The following MYH6 variants were observed in gnomAD, a reference collection of about 807,000 sequenced individuals.
The protein encoded by MYH6 is myosin heavy chain 6, also known as myosin-6.
MYH6 carries 126 observed loss-of-function variants against 223.2 expected under a neutral mutation model. That is an observed-to-expected ratio of 0.56 (90% confidence interval 0.49 to 0.65). MYH6 has a LOEUF of 0.65. Among genes scored for constraint, MYH6 ranks in the 30% least tolerant of loss-of-function variants. The probability of loss-of-function intolerance (pLI) is 0.00; values close to 1 mark genes in which losing one functional copy is unlikely to be tolerated. For missense variants in MYH6, 2,040 were observed against 2,536.4 expected (o/e 0.80, Z 4.20); for synonymous variants, 978 against 1,010.2 (o/e 0.97, Z 0.61).
Position 23,388,965 on chromosome 14 carries a change from C to A in MYH6, c.4069G>T (p.Ala1357Ser). Reference sequence around the variant, plus strand: ...TTGGACAGGACGCGCTGCAGCTCGGCCTTGGCCTCTGTCTCCTCCTCGTAC... The same window carrying A: ...TTGGACAGGACGCGCTGCAGCTCGGACTTGGCCTCTGTCTCCTCCTCGTAC... ...EQYEEETEAK[A>S]ELQRVLSKAN... is the part of the protein sequence containing the mutation. The change falls in exon 29 of 39, where the codon GCC becomes TCC. Residue 1357 changes from alanine (A) to serine (S), a missense_variant. Ala to Ser is a moderately conservative substitution (Grantham distance 99). Transcript: ENST00000405093. The A allele has an allele frequency of 5.6e-6, 9 of 1,613,784 alleles. No individual in the cohort carries two copies. The highest frequency in any genetic ancestry group is 7.6e-6 in the Non-Finnish European group (9 of 1,180,026).
intron 12 of MYH6, among the ~76,000 whole-genome samples, chr14:23,401,655 C>A (rs927164356): frequency 1.9e-4 from 29 of 152,226 alleles, no homozygotes; most frequent in Admixed American, 1.9e-3. Flanking sequence ...ATGTCCTCTG[C>A]TCCCTGTCTC....
At position 23,385,013 on chromosome 14, in the gene MYH6, T is replaced by A. The variant is rs757373258; in HGVS notation, c.5192A>T (p.Lys1731Met). 1 of 1,614,150 alleles carries A rather than the reference T, an allele frequency of 6.2e-7. No homozygotes were observed. The highest frequency in any genetic ancestry group is 1.3e-5 in the African/African-American group (1 of 75,062). The change falls in exon 35 of 39, where the codon AAG becomes ATG. Residue 1731 changes from lysine (K) to methionine (M), a missense_variant. This residue lies in a region of MYH6 where 1,203 missense variants were observed against 1,400.2 expected (regional missense o/e 0.86). Coordinates refer to ENST00000405093, the MANE Select transcript of MYH6 (RefSeq NM_002471.4). ...QNTSLINQKK[K>M]MESDLTQLQS... ...GAGCTGGGTCAGATCCGACTCCATC[T>A]TCTTCTTCTGGTTGATGAGGCTGGT...
chr14:23,401,868 G>A (rs1393946653), intron 12 of MYH6, among the ~76,000 whole-genome samples: 1 of 152,238 alleles, frequency 6.6e-6, no homozygotes, highest in East Asian at 1.9e-4. Context: ...TGTAATAACT[G>A]TTGGTGTGTT....
At position 23,396,952 on chromosome 14, in the gene MYH6, C is replaced by T. The variant is rs1379407951; in HGVS notation, c.2168+11G>A. The T allele has an allele frequency of 1.2e-6, 2 of 1,612,448 alleles. No individual in the cohort carries two copies. Among genetic ancestry groups the T allele is most frequent in the Admixed American group, 1.7e-5 (1 of 60,032 alleles). ...CCTGTTCTATGAGCTCTGGGGCACC[C>T]TCATACCCACCTCTGCCGGAAGTCC... is the stretch of plus-strand genomic sequence containing the variant. On this transcript the variant is annotated intron_variant, in intron 18 of 38. Transcript: ENST00000405093.
At chr14:23,400,624 G>C in intron 13 of MYH6, 85 bp downstream of exon 13, 1 of 1,607,886 alleles carries the variant, frequency 6.2e-7, no homozygotes. Context: ...CCCATGTCTG[G>C]TCCACAGCTG....
rs200234758 is a variant in MYH6, at chr14:23,388,841, G to T, written c.4175+18C>A. On this transcript the variant is annotated intron_variant, in intron 29 of 38. Transcript: ENST00000405093. The stretch of plus-strand genomic sequence containing the variant: ...CTTCCTCTCTGAGAGTCAGGTTAAG[G>T]GGGTATCTGGAGCTCACTTGGCCTC... The T allele has an allele frequency of 9.6e-5, 155 of 1,613,864 alleles. 1 individual carries two copies. In the African/African-American group the frequency reaches 1.8e-3, roughly 18 times the overall value.
rs201172704 is a variant in MYH6 at position 23,390,013 on chromosome 14, C to T, written c.3732+44G>A. 608 of 1,613,370 alleles carry T rather than the reference C, an allele frequency of 3.8e-4. 1 individual carries two copies. The highest frequency in any genetic ancestry group is 7.1e-4 in the Middle Eastern group (4 of 5,652). On this transcript the variant is annotated intron_variant, in intron 26 of 38. Coordinates refer to ENST00000405093, the MANE Select transcript of MYH6 (RefSeq NM_002471.4). ...GAGAGAGAAGGCATGGGGGAGGCTC[C>T]GCTGTGCAGGGGAGAGGGCGAGGGG...
intron 6 of MYH6, 70 bp from the exon 7 acceptor site, chr14:23,404,892 G>A (rs1256427956): frequency 1.4e-5 from 22 of 1,530,196 alleles, no homozygotes; most frequent in East Asian, 2.3e-5. Context: ...AGCATCACAT[G>A]CTCCCCTTCC....
intron 26 of MYH6, 81 bp from the exon 27 acceptor site, chr14:23,389,800 A>G (rs1891175573): frequency 6.2e-7 from 1 of 1,608,736 alleles, no homozygotes; most frequent in Admixed American, 1.7e-5. Context: ...AGAGATGGGG[A>G]ATGCCAGAGG....
rs548942498 is a variant in MYH6 at position 23,389,925 on chromosome 14, G to C, written c.3732+132C>G. On this transcript the variant is annotated intron_variant, in intron 26 of 38. Transcript: ENST00000405093. ...TGAGGAGAGCCAGAGAGGGGCAGGG[G>C]AGACAGGAAGAGAGACCAAAGGGTG... 5.7e-6 allele frequency: 9 copies of C among 1,567,158 alleles called. No homozygotes were observed. In the Admixed American group the frequency reaches 1.6e-4, roughly 27 times the overall value.
At chr14:23,398,539 A>G (rs976884864) in intron 15 of MYH6, among the ~76,000 whole-genome samples, 189 bp downstream of exon 15, 4 of 152,206 alleles carry the variant, frequency 2.6e-5, no homozygotes, top group Non-Finnish European at 2.9e-5. Context: ...ATCAACACTC[A>G]TAACACAAAG....
At chr14:23,388,030 C>T in intron 30 of MYH6, 107 bp from the exon 31 acceptor site, 4 of 1,606,140 alleles carry the variant, frequency 2.5e-6, no homozygotes, top group Non-Finnish European at 2.5e-6. Flanking sequence ...CAAGATCTGT[C>T]CCTGGTCCCG....
intron 38 of MYH6, among the ~76,000 whole-genome samples, 164 bp downstream of exon 38, chr14:23,382,264 T>C (rs1377434487): frequency 6.6e-6 from 1 of 151,724 alleles, no homozygotes; most frequent in African/African-American, 2.4e-5. Flanking sequence ...TTCCAGTCAG[T>C]GGGGGGCTGT....
Position 23,392,898 on chromosome 14 carries a change from CCA to C in MYH6, c.3251+12_3251+13del, listed in dbSNP as rs1298547459. ...CACCTCCATTAGCCCCTCCTGGCCACCACAGTCTCCTACTTCTTAAGCTTTTC... is the reference window on the plus strand; with the variant it reads ...CACCTCCATTAGCCCCTCCTGGCCACCAGTCTCCTACTTCTTAAGCTTTTC... On this transcript the variant is annotated intron_variant, in intron 24 of 38. Transcript: ENST00000405093. 8 of 1,612,982 alleles carry C rather than the reference CCA, an allele frequency of 5.0e-6. No homozygotes were observed. The highest frequency in any genetic ancestry group is 3.3e-5 in the Admixed American group (2 of 60,024).
chr14:23,403,858 C>T (rs1402878247), intron 8 of MYH6, 80 bp from the exon 9 acceptor site: 1 of 1,277,764 alleles, frequency 7.8e-7, no homozygotes, highest in Non-Finnish European at 1.1e-6. Flanking sequence ...GCCCAGAAGC[C>T]CTGGATGGTT....
chr14:23,383,081 G>A (rs1409380075), intron 37 of MYH6, 144 bp downstream of exon 37: 1 of 781,826 alleles, frequency 1.3e-6, no homozygotes, highest in Admixed American at 2.0e-5. Context: ...TGACAGCTCT[G>A]AGCATACCAG....
intron 35 of MYH6, 63 bp from the exon 36 acceptor site, chr14:23,384,780 G>A (rs1310793432): frequency 5.0e-6 from 8 of 1,613,806 alleles, no homozygotes; most frequent in Admixed American, 1.7e-5. Context: ...TGCCCCCCAA[G>A]GATCTCCTTT....
In MYH6 at chr14:23,404,313, C is replaced by T. The variant is rs375030177; in HGVS notation, c.718G>A (p.Asp240Asn). 8.7e-6 allele frequency: 14 copies of T among 1,614,124 alleles called. No individual in the cohort carries two copies. The highest frequency in any genetic ancestry group is 2.2e-5 in the East Asian group (1 of 44,890). The change falls in exon 8 of 39, where the codon GAC (aspartate) becomes AAC (asparagine). Residue 240 changes from aspartate (D) to asparagine (N), a missense_variant. This residue lies in a region of MYH6 where 649 missense variants were observed against 877.3 expected (regional missense o/e 0.74). Coordinates refer to ENST00000405093, the MANE Select transcript of MYH6 (RefSeq NM_002471.4). ...AFGNAKTVRNDNSSRFGKFIR... is the reference protein window; with the variant it reads ...AFGNAKTVRNNNSSRFGKFIR... ...GCACTCACAAAGCGGGAGGAGTTGT[C>T]GTTCCGGACAGTCTTGGCATTGCCG...
rs1380115013 is a variant in MYH6, at chr14:23,407,126, A to C, written c.98T>G (p.Ile33Ser). The C allele has an allele frequency of 1.2e-6, 2 of 1,614,182 alleles. No homozygotes were observed. The highest frequency in any genetic ancestry group is 1.7e-6 in the Non-Finnish European group (2 of 1,180,030). ...RLEAQTRPFD[I>S]RTECFVPDDK... The stretch of plus-strand genomic sequence containing the variant: ...ATCGGGCACGAAGCACTCAGTGCGA[A>C]TGTCAAAGGGCCGGGTCTGGGCCTC... The change falls in exon 3 of 39, where the codon ATT becomes AGT. Residue 33 changes from isoleucine to serine, a missense_variant. Coordinates refer to ENST00000405093, the MANE Select transcript of MYH6 (RefSeq NM_002471.4). This position sits in a 1 kb window ranked among gnomAD's most constrained non-coding sequence, Gnocchi z 5.6.
Sources: gnomAD v4.1 joint callset for allele counts (sites outside exome capture counted in the v4.1 genomes callset) on GRCh38, gnomAD v4.1.1 for gene constraint, gnomAD v4.1.1 regional missense constraint, Gnocchi (gnomAD v3.1) non-coding constraint, MANE v1.5 for transcripts, NCBI Gene and HGNC (gene_info 2026-07-23, HGNC 2026-07-21) for gene names.